FTSJ3: variants seen among roughly 807,000 people sequenced by gnomAD.
The protein encoded by FTSJ3 is pre-rRNA 2'-O-ribose RNA methyltransferase FTSJ3.
In FTSJ3, 46 loss-of-function variants were observed where a neutral mutation model predicts 111.5. The ratio of observed to expected loss-of-function variants is 0.41; its 90% confidence interval spans 0.33 to 0.53. The LOEUF is 0.53. Ranked by LOEUF, FTSJ3 falls within the 20% of genes least tolerant of loss-of-function variation. FTSJ3 has a pLI of 0.19. For missense variants in FTSJ3, 1,075 were observed against 1,063.8 expected, an observed-to-expected ratio of 1.01 and a Z score of -0.15; for synonymous variants, 408 against 383.0, an observed-to-expected ratio of 1.07 and a Z score of -0.76.
Position 63,819,668 on chromosome 17 carries a change from G to T in FTSJ3, c.*134C>A. ...CTCAGGACCACCACGGGAGTTCTAGGCACTCCACCTCACTGTTCTTCAGAC... is the reference window on the plus strand; with the variant it reads ...CTCAGGACCACCACGGGAGTTCTAGTCACTCCACCTCACTGTTCTTCAGAC... On this transcript the variant is annotated 3_prime_UTR_variant, in exon 21 of 21. Transcript: ENST00000427159. 1 of 817,380 alleles carries T rather than the reference G, an allele frequency of 1.2e-6. No homozygotes were observed. Among genetic ancestry groups the T allele is most frequent in the Non-Finnish European group, 1.9e-6 (1 of 519,362 alleles). 50.6% of individuals were successfully genotyped at this position (817,380 alleles called of 1,614,324 possible).
chr17:63,826,859 A>C lies in FTSJ3; in HGVS notation c.44T>G (p.Phe15Cys). 6.2e-7 allele frequency: 1 copy of C among 1,614,076 alleles called. No individual in the cohort carries two copies. Among genetic ancestry groups the C allele is most frequent in the Non-Finnish European group, 8.5e-7 (1 of 1,180,006 alleles). Residue 15 changes from phenylalanine to cysteine, a missense_variant, in exon 2 of 21, where the codon TTT becomes TGT. By Grantham distance (205) the Phe-to-Cys change is radical. Transcript: ENST00000427159. Reference sequence around the variant, plus strand: ...ACCCGTCTCCTTCGCCAAGTGATAAAACTTGTCTCGTCGGCTCTTGCCAAC... The same window carrying C: ...ACCCGTCTCCTTCGCCAAGTGATAACACTTGTCTCGTCGGCTCTTGCCAAC... ...GKVGKSRRDK[F>C]YHLAKETGYR...
Position 63,821,408 on chromosome 17 carries a change from T to G in FTSJ3, c.1832A>C (p.Glu611Ala). Reference sequence around the variant, plus strand: ...ATCACTGTCTGAGATGCCATCCTTTTCTTCCCCTTCAAGGCCAGTGGCAGC... The same window carrying G: ...ATCACTGTCTGAGATGCCATCCTTTGCTTCCCCTTCAAGGCCAGTGGCAGC... ...TEAATGLEGEEKDGISDSDSS... is the reference protein window; with the variant it reads ...TEAATGLEGEAKDGISDSDSS... Residue 611 changes from glutamate to alanine, a missense_variant, in exon 16 of 21, where the codon GAA becomes GCA. Transcript: ENST00000427159. 6.2e-7 allele frequency: 1 copy of G among 1,614,090 alleles called. No individual in the cohort carries two copies.
rs781768167 is a variant in FTSJ3 at position 63,824,431 on chromosome 17, AC to A, written c.918-21del. 181 of 1,611,888 alleles carry A rather than the reference AC, an allele frequency of 1.1e-4. 1 individual carries two copies. The highest frequency in any genetic ancestry group is 1.5e-4 in the Non-Finnish European group (178 of 1,178,132). ...AGCGACCTGCCCCAGAGATACTATT[AC>A]TGATCTTGCCATCTCCCTCTTTGTC... On this transcript the variant is annotated intron_variant, in intron 10 of 20. Transcript: ENST00000427159.
At position 63,825,053 on chromosome 17, in the gene FTSJ3, GCTT is replaced by G. The variant is rs745787698; in HGVS notation, c.703_705del (p.Lys235del). The G allele has an allele frequency of 2.5e-6, 4 of 1,613,694 alleles. No individual in the cohort carries two copies. The highest frequency in any genetic ancestry group is 3.3e-5 in the Admixed American group (2 of 60,016). On this transcript the variant is annotated inframe_deletion, in exon 8 of 21. Transcript: ENST00000427159. Reference sequence around the variant, plus strand: ...CCCCATTCCCCAAAACACACCTTTGGCTTCTTCTTAGTAACCAATTCAGTAACG... The same window carrying G: ...CCCCATTCCCCAAAACACACCTTTGGCTTCTTAGTAACCAATTCAGTAACG...
In FTSJ3 at chr17:63,824,692, CAGT is replaced by C; in HGVS notation, c.859_861del (p.Thr287del). On this transcript the variant is annotated inframe_deletion, in exon 10 of 21. Transcript: ENST00000427159. ...TCCTGACAGCACACCCGTATGTCCT[CAGT>C]GGTAGCTGGATGCTGTGCCAACTCT... The C allele has an allele frequency of 6.2e-7, 1 of 1,614,186 alleles. No individual in the cohort carries two copies. The highest frequency in any genetic ancestry group is 8.5e-7 in the Non-Finnish European group (1 of 1,180,020).
chr17:63,820,703 C>CGCTTGAACCGGGAAGACGG (rs3833114), intron 18 of FTSJ3, 136 bp downstream of exon 18: 2 of 639,722 alleles, frequency 3.1e-6, no homozygotes, highest in South Asian at 1.9e-5. Context: ...CAAGGAGAAT[C>CGCTTGAACCGGGAAGACGG]AGGCTGCAGT....
In FTSJ3 at chr17:63,827,186, A is replaced by G. The variant is rs2584624; in HGVS notation, c.-161T>C. 390,789 of 603,952 alleles carry G rather than the reference A, an allele frequency of 0.65. 129,255 individuals are homozygous for G. Among genetic ancestry groups the G allele is most frequent in the African/African-American group, 0.9 (48,519 of 53,918 alleles). 37.4% of individuals were successfully genotyped at this position (603,952 alleles called of 1,614,324 possible). ...TTGAGTGTGGCCCTAGATTGTTCTC[A>G]ATACTCTGTCCTTGGGTTTTGTAAG... On this transcript the variant is annotated 5_prime_UTR_variant, in exon 1 of 21. Coordinates refer to ENST00000427159, the MANE Select transcript of FTSJ3 (RefSeq NM_017647.4).
intron 9 of FTSJ3, 36 bp from the exon 10 acceptor site, chr17:63,824,773 C>G (rs757417705): frequency 1.2e-6 from 2 of 1,607,664 alleles, no homozygotes; most frequent in East Asian, 4.5e-5. Context: ...AGGGGAGATC[C>G]TCAGGCCATG....
rs1286015915 is a variant in FTSJ3 at position 63,820,439 on chromosome 17, C to G, written c.2073-1G>C. Reference sequence around the variant, plus strand: ...CCCCTCATCCTCATTAAATGTGTACCTGAGTGGAAAGGACATCTGTCTAAT... The same window carrying G: ...CCCCTCATCCTCATTAAATGTGTACGTGAGTGGAAAGGACATCTGTCTAAT... On this transcript the variant is annotated splice_acceptor_variant, in intron 18 of 20. Transcript: ENST00000427159. LOFTEE classifies it high-confidence loss of function. 1 of 1,613,894 alleles carries G rather than the reference C, an allele frequency of 6.2e-7. No homozygotes were observed.
intron 3 of FTSJ3, 89 bp downstream of exon 3, chr17:63,826,478 G>T: frequency 3.9e-6 from 5 of 1,268,414 alleles, no homozygotes; most frequent in Non-Finnish European, 5.7e-6. Flanking sequence ...CGGGATTCGG[G>T]TTCCCCTCCC....
chr17:63,819,438 T>A lies in FTSJ3; in HGVS notation c.*364A>T. 1 of 206,420 alleles carries A rather than the reference T, an allele frequency of 4.8e-6. No homozygotes were observed. Among genetic ancestry groups the A allele is most frequent in the Non-Finnish European group, 9.8e-6 (1 of 101,696 alleles). 12.8% of individuals were successfully genotyped at this position (206,420 alleles called of 1,614,324 possible). ...ACTGTCAGAAAAGACAACTCTTCCA[T>A]TATCCTGGTTTTATTCAGGAATAGG... is the stretch of plus-strand genomic sequence containing the variant. On this transcript the variant is annotated 3_prime_UTR_variant, in exon 21 of 21. Transcript: ENST00000427159.
At chr17:63,823,165 G>C (rs1247451002) in intron 13 of FTSJ3, among the ~76,000 whole-genome samples, 1 of 152,178 alleles carries the variant, frequency 6.6e-6, no homozygotes, top group Admixed American at 6.5e-5. Flanking sequence ...TAATGCGAGT[G>C]CTCACTTGGT....
rs1288280736 is a variant in FTSJ3 at position 63,824,139 on chromosome 17, G to T, written c.1099C>A (p.Gln367Lys). 5 of 1,613,948 alleles carry T rather than the reference G, an allele frequency of 3.1e-6. No individual in the cohort carries two copies. In the Admixed American group the frequency reaches 8.3e-5, roughly 27 times the overall value. The change falls in exon 12 of 21, where the codon CAA becomes AAA. Residue 367 changes from glutamine (Q) to lysine (K), a missense_variant. Around this residue, in one of 2 missense-constraint regions of FTSJ3, gnomAD observed 867 missense variants for 796.9 expected, o/e 1.09. Transcript: ENST00000427159. ...KEEEEEEEEE[Q>K]LNQTLAEMKA... is the part of the protein sequence containing the mutation. ...ATTTCTGCCAAGGTCTGGTTCAGTT[G>T]TTCCTCCTCCTCCTCTTCCTCCTCC...
In FTSJ3 at chr17:63,825,640, A is replaced by G; in HGVS notation, c.301-5T>C. On this transcript the variant is annotated splice_region_variant and splice_polypyrimidine_tract_variant and intron_variant, in intron 5 of 20. Coordinates refer to ENST00000427159, the MANE Select transcript of FTSJ3 (RefSeq NM_017647.4). Reference sequence around the variant, plus strand: ...CTTCAGCTCCTTCCTCAGGGCCTAAAGAGAAGAAAAGGAACTATGGAAACA... The same window carrying G: ...CTTCAGCTCCTTCCTCAGGGCCTAAGGAGAAGAAAAGGAACTATGGAAACA... 3.1e-6 allele frequency: 5 copies of G among 1,611,618 alleles called. No homozygotes were observed. The highest frequency in any genetic ancestry group is 4.2e-6 in the Non-Finnish European group (5 of 1,178,028).
chr17:63,819,934 T>G lies in FTSJ3; in HGVS notation c.2412A>C (p.Lys804Asn). Residue 804 changes from lysine to asparagine, a missense_variant, in exon 21 of 21, where the codon AAA (lysine) becomes AAC (asparagine). By Grantham distance (94) the Lys-to-Asn change is moderately conservative. Around this residue, in one of 2 missense-constraint regions of FTSJ3, gnomAD observed 867 missense variants for 796.9 expected, o/e 1.09. Transcript: ENST00000427159. ...EKRHVTYVVAKKGVGRKVRRP... is the reference protein window; with the variant it reads ...EKRHVTYVVANKGVGRKVRRP... ...GGCGCACTTTGCGGCCCACACCTTT[T>G]TTGGCTACAACGTAGGTGACATGGC... is the stretch of plus-strand genomic sequence containing the variant. 1 of 1,614,220 alleles carries G rather than the reference T, an allele frequency of 6.2e-7. No homozygotes were observed.
chr17:63,826,047 T>A lies in FTSJ3; in HGVS notation c.300+9A>T. On this transcript the variant is annotated intron_variant, in intron 5 of 20. Coordinates refer to ENST00000427159, the MANE Select transcript of FTSJ3 (RefSeq NM_017647.4). Reference sequence around the variant, plus strand: ...ATAAAGGGGGAAGGAAGAGAGAGACTCCTATTACCTGCCTACAACGTTCTG... The same window carrying A: ...ATAAAGGGGGAAGGAAGAGAGAGACACCTATTACCTGCCTACAACGTTCTG... 6.3e-7 allele frequency: 1 copy of A among 1,595,786 alleles called. No individual in the cohort carries two copies. Among genetic ancestry groups the A allele is most frequent in the Non-Finnish European group, 8.6e-7 (1 of 1,165,676 alleles).
chr17:63,820,275 T>C lies in FTSJ3; in HGVS notation c.2236A>G (p.Lys746Glu), dbSNP rs2040036303. 2 of 1,530,802 alleles carry C rather than the reference T, an allele frequency of 1.3e-6. No homozygotes were observed. The highest frequency in any genetic ancestry group is 1.4e-5 in the African/African-American group (1 of 70,052). 94.8% of individuals were successfully genotyped at this position (1,530,802 alleles called of 1,614,324 possible). Residue 746 changes from lysine (K) to glutamate (E), a missense_variant, in exon 19 of 21, where the codon AAG (lysine) becomes GAG (glutamate). Coordinates refer to ENST00000427159, the MANE Select transcript of FTSJ3 (RefSeq NM_017647.4). The stretch of plus-strand genomic sequence containing the variant: ...CTTACCCTCCTTTTCTTTCTAGCCT[T>C]AGCCTCAGCCACCTTCTTGATGGGA... Reference protein sequence around the residue: ...ARPIKKVAEAKARKKRRMLKR... With the variant: ...ARPIKKVAEAEARKKRRMLKR...
intron 13 of FTSJ3, 83 bp from the exon 14 acceptor site, chr17:63,822,251 C>A: frequency 8.8e-7 from 1 of 1,132,802 alleles, no homozygotes; most frequent in African/African-American, 1.5e-5. Context: ...TCAGTCTATG[C>A]TCAGCAACAC....
chr17:63,821,782 C>G lies in FTSJ3; in HGVS notation c.1537G>C (p.Val513Leu). 6.2e-7 allele frequency: 1 copy of G among 1,614,062 alleles called. No individual in the cohort carries two copies. The highest frequency in any genetic ancestry group is 1.1e-5 in the South Asian group (1 of 91,082). ...EEEEEENPLL[V>L]PLEEKAVLQE... Reference sequence around the variant, plus strand: ...AGTACTGCCTTTTCCTCCAGTGGTACCAGCAGTGGATTCTCCTCCTCCTCC... The same window carrying G: ...AGTACTGCCTTTTCCTCCAGTGGTAGCAGCAGTGGATTCTCCTCCTCCTCC... Residue 513 changes from valine (V) to leucine (L), a missense_variant, in exon 15 of 21, where the codon GTA becomes CTA. Physicochemically the swap from Val to Leu is conservative, Grantham distance 32. This residue lies in a region of FTSJ3 where 867 missense variants were observed against 796.9 expected (regional missense o/e 1.09). Coordinates refer to ENST00000427159, the MANE Select transcript of FTSJ3 (RefSeq NM_017647.4).
Sources: gnomAD v4.1 joint callset for allele counts (sites outside exome capture counted in the v4.1 genomes callset) on GRCh38, gnomAD v4.1.1 for gene constraint, gnomAD v4.1.1 regional missense constraint, MANE v1.5 for transcripts, NCBI Gene and HGNC (gene_info 2026-07-23, HGNC 2026-07-21) for gene names.